LRPPRC: variants seen among roughly 807,000 people sequenced by gnomAD.
LRPPRC encodes the protein leucine rich pentatricopeptide repeat containing.
Under a neutral mutation model 180.3 loss-of-function variants are expected in LRPPRC, and 120 were observed. That is an observed-to-expected ratio of 0.67 (90% CI 0.57 to 0.77). The LOEUF (loss-of-function observed/expected upper bound fraction) is 0.77, where lower values mean the gene tolerates loss of function less well. Ranked by LOEUF, LRPPRC falls within the 30% of genes least tolerant of loss-of-function variation. LRPPRC has a pLI of 0.00. For synonymous variants in LRPPRC, 723 were observed against 600.0 expected, an observed-to-expected ratio of 1.21 and a Z score of -3.00; for missense variants, 2,012 against 1,657.2, an observed-to-expected ratio of 1.21 and a Z score of -3.72.
At chr2:43,963,801 T>C (rs1053446730) in intron 11 of LRPPRC, 95 bp from the exon 12 acceptor site, 6 of 790,882 alleles carry the variant, frequency 7.6e-6, no homozygotes, top group Admixed American at 5.1e-5. Context: ...TGAATCACAG[T>C]ATAAGAAAAT....
rs539789505 is a variant in LRPPRC at position 43,914,472 on chromosome 2, A to G, written c.3149-1914T>C. On this transcript the variant is annotated intron_variant, in intron 29 of 37. Transcript: ENST00000260665. ...GCCAGGCACAGTGGCTCATGCCTGT[A>G]ATCCCAGCACTTTGGGAGGCCAAAG... Among the ~76,000 whole-genome samples the G allele has an allele frequency of 2.0e-3, 299 of 152,364 alleles. 3 individuals carry two copies. In the Middle Eastern group the frequency reaches 0.031, roughly 16 times the overall value.
At chr2:43,933,080 A>C (rs1236564231) in intron 25 of LRPPRC, among the ~76,000 whole-genome samples, 1 of 152,190 alleles carries the variant, frequency 6.6e-6, no homozygotes, top group Non-Finnish European at 1.5e-5. Context: ...ATTTTCTAGA[A>C]AATGTAAATG....
intron 11 of LRPPRC, among the ~76,000 whole-genome samples, chr2:43,971,822 C>A (rs542464668): frequency 1.3e-5 from 2 of 152,164 alleles, no homozygotes; most frequent in East Asian, 3.9e-4. Context: ...TAAAAGAAGA[C>A]TGTAGAATAT....
intron 31 of LRPPRC, chr2:43,903,332 A>G (rs1670954413): frequency 6.6e-6 from 1 of 152,230 alleles, no homozygotes; most frequent in Admixed American, 6.5e-5. Context: ...GCCACGTATC[A>G]GCTATTAATA....
At chr2:43,994,631 G>T (rs1223020155) in intron 1 of LRPPRC, among the ~76,000 whole-genome samples, 1 of 152,058 alleles carries the variant, frequency 6.6e-6, no homozygotes, top group Non-Finnish European at 1.5e-5. Context: ...GCAGATCCCT[G>T]GCTCTCAGTC....
Position 43,976,134 on chromosome 2 carries a change from G to C in LRPPRC, c.737+9C>G, listed in dbSNP as rs574601528. On this transcript the variant is annotated intron_variant, in intron 6 of 37. Coordinates refer to ENST00000260665, the MANE Select transcript of LRPPRC (RefSeq NM_133259.4). ...CACTTAAGAACCAAAACCTTAGGTT[G>C]AACATTACCCAGCTCTGGCATGCCC... 1 of 1,571,042 alleles carries C rather than the reference G, an allele frequency of 6.4e-7. No individual in the cohort carries two copies. The highest frequency in any genetic ancestry group is 8.8e-7 in the Non-Finnish European group (1 of 1,140,750).
Position 43,943,885 on chromosome 2 carries a change from T to G in LRPPRC, c.2306A>C (p.Asn769Thr). The G allele has an allele frequency of 5.0e-6, 8 of 1,611,286 alleles. No individual in the cohort carries two copies. Among genetic ancestry groups the G allele is most frequent in the Non-Finnish European group, 6.8e-6 (8 of 1,177,614 alleles). ...AKHGKLQDAI[N>T]ILKEMKEKDV... ...CTTCTCTTTCATCTCCTTCAGAATG[T>G]TAATAGCATCTACAATGAAGTAACA... Residue 769 changes from asparagine (N) to threonine (T), a missense_variant, in exon 23 of 38, where the codon AAC (asparagine) becomes ACC (threonine). Physicochemically the swap from Asn to Thr is moderately conservative, Grantham distance 65. Coordinates refer to ENST00000260665, the MANE Select transcript of LRPPRC (RefSeq NM_133259.4).
chr2:43,978,975 T>C (rs935603665), intron 3 of LRPPRC, among the ~76,000 whole-genome samples: 6 of 152,148 alleles, frequency 3.9e-5, no homozygotes, highest in Admixed American at 3.9e-4. Context: ...CTTCTTGTAT[T>C]GTTTCACATC....
chr2:43,918,656 C>G (rs923841584), intron 27 of LRPPRC, among the ~76,000 whole-genome samples: 1 of 151,802 alleles, frequency 6.6e-6, no homozygotes, highest in African/African-American at 2.4e-5. Flanking sequence ...TACACACTTC[C>G]AATCATGTTG....
At chr2:43,903,678 G>A (rs1670966726) in intron 31 of LRPPRC, 1 of 152,032 alleles carries the variant, frequency 6.6e-6, no homozygotes, top group Non-Finnish European at 1.5e-5. Context: ...GAGTAGATGA[G>A]AAATTATACC....
intron 1 of LRPPRC, among the ~76,000 whole-genome samples, chr2:43,993,530 T>C (rs753907747): frequency 1.3e-5 from 2 of 152,116 alleles, no homozygotes; most frequent in African/African-American, 2.4e-5. Flanking sequence ...GAGAAACTTC[T>C]AGAGTAAACA....
chr2:43,984,444 T>C (rs1236989274), intron 1 of LRPPRC, among the ~76,000 whole-genome samples: 2 of 152,238 alleles, frequency 1.3e-5, no homozygotes, highest in Non-Finnish European at 2.9e-5. Flanking sequence ...CTGAATATTC[T>C]AGGCAAATTT....
intron 23 of LRPPRC, among the ~76,000 whole-genome samples, chr2:43,938,572 CATT>C (rs1196308574): frequency 6.6e-6 from 1 of 152,102 alleles, no homozygotes; most frequent in Admixed American, 6.5e-5. Flanking sequence ...ACAATTTTTT[CATT>C]ATTACACGGA....
intron 23 of LRPPRC, among the ~76,000 whole-genome samples, chr2:43,937,068 C>T (rs1464002059): frequency 6.6e-6 from 1 of 151,956 alleles, no homozygotes; most frequent in Non-Finnish European, 1.5e-5. Flanking sequence ...ATAGTATTGT[C>T]TCAATTGTAT....
chr2:43,916,388 A>T (rs1238278101), intron 29 of LRPPRC, among the ~76,000 whole-genome samples: 1 of 152,194 alleles, frequency 6.6e-6, no homozygotes. Context: ...GTCATAAAAA[A>T]TTTAAAGTAG....
At chr2:43,971,145 A>G (rs540288191) in intron 11 of LRPPRC, among the ~76,000 whole-genome samples, 142 of 151,694 alleles carry the variant, frequency 9.4e-4, no homozygotes, top group African/African-American at 3.4e-3. Context: ...ACTTCACTCA[A>G]CTGGCATTTG....
intron 23 of LRPPRC, among the ~76,000 whole-genome samples, chr2:43,941,837 T>TAA (rs35278650): frequency 4.4e-4 from 41 of 92,814 alleles, no homozygotes; most frequent in African/African-American, 1.3e-3. Flanking sequence ...CAAAGTAGTC[T>TAA]AAAAAAAAAA....
chr2:43,906,236 C>T (rs1440124566), intron 30 of LRPPRC, among the ~76,000 whole-genome samples: 1 of 152,090 alleles, frequency 6.6e-6, no homozygotes, highest in Non-Finnish European at 1.5e-5. Flanking sequence ...AAGCAGATTA[C>T]TAACACTCTA....
rs186997450 is a variant in LRPPRC at position 43,995,006 on chromosome 2, C to T, written c.149+793G>A. 2.5e-3 allele frequency among the ~76,000 whole-genome samples: 383 copies of T among 152,144 alleles called. 9 individuals carry two copies. The highest frequency in any genetic ancestry group is 5.7e-4 in the Non-Finnish European group (39 of 68,006). ...CTGTAATCCCAGCACTTTGGGAGGC[C>T]GAGGCAGGAGGATCGCTTGAAGTCA... On this transcript the variant is annotated intron_variant, in intron 1 of 37. Coordinates refer to ENST00000260665, the MANE Select transcript of LRPPRC (RefSeq NM_133259.4).
Sources: gnomAD v4.1 joint callset for allele counts (sites outside exome capture counted in the v4.1 genomes callset) on GRCh38, gnomAD v4.1.1 for gene constraint, MANE v1.5 for transcripts, NCBI Gene and HGNC (gene_info 2026-07-23, HGNC 2026-07-21) for gene names.